MAMDC2: variants seen among roughly 807,000 people sequenced by gnomAD.
MAMDC2 encodes the protein MAM domain containing 2, also known as MAM domain-containing protein 2.
Under a neutral mutation model 89.8 loss-of-function variants are expected in MAMDC2, and 57 were observed. That is an observed-to-expected ratio of 0.63 (90% CI 0.51 to 0.79). The LOEUF (loss-of-function observed/expected upper bound fraction) is 0.79, where lower values mean the gene tolerates loss of function less well. Among genes scored for constraint, MAMDC2 ranks in the 30% least tolerant of loss-of-function variants. The pLI is 0.00. For missense variants in MAMDC2, 800 were observed against 820.6 expected, an observed-to-expected ratio of 0.97 and a Z score of 0.31; for synonymous variants, 313 against 293.4, an observed-to-expected ratio of 1.07 and a Z score of -0.68.
chr9:70,135,281 T>C (rs2030961322), intron 7 of MAMDC2, among the ~76,000 whole-genome samples: 1 of 152,140 alleles, frequency 6.6e-6, no homozygotes, highest in African/African-American at 2.4e-5. Flanking sequence ...AAATACATCA[T>C]TGCACTTCCC....
At chr9:70,198,115 TTATTA>T (rs2033009176) in intron 11 of MAMDC2, among the ~76,000 whole-genome samples, 2 of 151,278 alleles carry the variant, frequency 1.3e-5, no homozygotes, top group African/African-American at 4.8e-5. Flanking sequence ...AAATTAAACT[TTATTA>T]TAAGTACATA....
At chr9:70,128,739 C>T (rs961041510) in intron 6 of MAMDC2, among the ~76,000 whole-genome samples, 2 of 152,176 alleles carry the variant, frequency 1.3e-5, no homozygotes, top group African/African-American at 4.8e-5. Context: ...TCACTGCAAC[C>T]TCTGCCTCCC....
chr9:70,044,872 AC>A (rs1826707817), intron 2 of MAMDC2, among the ~76,000 whole-genome samples, 175 bp downstream of exon 2: 2 of 152,212 alleles, frequency 1.3e-5, no homozygotes, highest in Admixed American at 1.3e-4. Context: ...CGAGGCAGGA[AC>A]GGGGCGGGCG....
intron 7 of MAMDC2, among the ~76,000 whole-genome samples, chr9:70,135,798 T>C (rs1417169305): frequency 6.6e-6 from 1 of 152,136 alleles, no homozygotes; most frequent in Non-Finnish European, 1.5e-5. Context: ...TTTGGACAAA[T>C]GTATAATGAC....
At chr9:70,125,157 T>G (rs2030470314) in intron 5 of MAMDC2, among the ~76,000 whole-genome samples, 1 of 152,192 alleles carries the variant, frequency 6.6e-6, no homozygotes, top group African/African-American at 2.4e-5. Context: ...CAGAAAAAAT[T>G]GCTAACAATG....
intron 12 of MAMDC2, among the ~76,000 whole-genome samples, chr9:70,222,299 G>A (rs779693018): frequency 6.6e-6 from 1 of 152,188 alleles, no homozygotes; most frequent in Non-Finnish European, 1.5e-5. Context: ...CTTCTGGGGG[G>A]ACATGTTAAG....
rs376369521 is a variant in MAMDC2, at chr9:70,113,081, C to T, written c.592C>T (p.Arg198Trp). 26 of 1,613,936 alleles carry T rather than the reference C, an allele frequency of 1.6e-5. No individual in the cohort carries two copies. The highest frequency in any genetic ancestry group is 2.0e-5 in the Non-Finnish European group (24 of 1,179,980). ...VNWFVGGGSI[R>W]NVHSILPQDH... ...CTGGTTTGTTGGAGGAGGAAGTATT[C>T]GGAATGTCCACTCCATTCTCCCACA... The change falls in exon 5 of 14, where the codon CGG becomes TGG. Residue 198 changes from arginine (R) to tryptophan (W), a missense_variant. By Grantham distance (101) the Arg-to-Trp change is moderately radical (BLOSUM62 -3). Coordinates refer to ENST00000377182, the MANE Select transcript of MAMDC2 (RefSeq NM_153267.5).
At position 70,149,337 on chromosome 9, in the gene MAMDC2, T is replaced by TCTTGGGAACACCA. The variant is rs2031512071; in HGVS notation, c.1404+5525_1404+5526insACACCACTTGGGA. Among the ~76,000 whole-genome samples, 3 of 151,992 alleles carry TCTTGGGAACACCA rather than the reference T, an allele frequency of 2.0e-5. No homozygotes were observed. The South Asian group carries it at 6.2e-4, about 32-fold the overall frequency. ...CTTGCAGGAAGTTTATGAGGGTTGC[T>TCTTGGGAACACCA]CTTGGGATCACCACTGAAGGAAAGG... On this transcript the variant is annotated intron_variant, in intron 9 of 13. Transcript: ENST00000377182.
intron 2 of MAMDC2, chr9:70,092,312 C>T (rs1827920474): frequency 6.6e-6 from 1 of 152,158 alleles, no homozygotes; most frequent in Non-Finnish European, 1.5e-5. Context: ...CATGTGCAGC[C>T]AAGGTTGAGA....
intron 5 of MAMDC2, among the ~76,000 whole-genome samples, chr9:70,120,546 ATC>A (rs985112571): frequency 6.6e-6 from 1 of 152,180 alleles, no homozygotes; most frequent in Non-Finnish European, 1.5e-5. Flanking sequence ...CCCATCTCCA[ATC>A]TCTCTGATTC....
At chr9:70,153,899 G>T (rs1042877596) in intron 9 of MAMDC2, 2 of 152,098 alleles carry the variant, frequency 1.3e-5, no homozygotes, top group African/African-American at 4.8e-5. Flanking sequence ...TTGAAAAAGA[G>T]TTCTGTTGTC....
intron 11 of MAMDC2, among the ~76,000 whole-genome samples, chr9:70,175,298 A>T (rs371099813): frequency 6.6e-6 from 1 of 152,180 alleles, no homozygotes; most frequent in Non-Finnish European, 1.5e-5. Flanking sequence ...ACTGTGTATT[A>T]GCAATGAGGG....
Position 70,170,482 on chromosome 9 carries a change from AACTTCC to A in MAMDC2, c.1505_1510del (p.Leu502_Pro503del). Reference sequence around the variant, plus strand: ...AACATCTGCTATTTTCTTGCAGAGAAACTTCCACCTCCACCTGGAGAGTGTACTTTC... The same window carrying A: ...AACATCTGCTATTTTCTTGCAGAGAAACCTCCACCTGGAGAGTGTACTTTC... On this transcript the variant is annotated inframe_deletion, in exon 11 of 14. Transcript: ENST00000377182. 2.5e-6 allele frequency: 4 copies of A among 1,602,932 alleles called. No homozygotes were observed. Among genetic ancestry groups the A allele is most frequent in the Non-Finnish European group, 2.5e-6 (3 of 1,176,554 alleles).
chr9:70,122,263 C>G (rs2030319708), intron 5 of MAMDC2, among the ~76,000 whole-genome samples: 1 of 152,188 alleles, frequency 6.6e-6, no homozygotes, highest in Admixed American at 6.5e-5. Context: ...TTGGGCAGAT[C>G]ATGTTGTGTT....
At position 70,146,423 on chromosome 9, in the gene MAMDC2, T is replaced by C. The variant is rs368604923; in HGVS notation, c.1404+2604T>C. On this transcript the variant is annotated intron_variant, in intron 9 of 13. Coordinates refer to ENST00000377182, the MANE Select transcript of MAMDC2 (RefSeq NM_153267.5). The stretch of plus-strand genomic sequence containing the variant: ...TACATGTCTCAAAGTGGCCCTTAGT[T>C]CTTGGCAGGTCCCTGTTAGATAGAA... Among the ~76,000 whole-genome samples, 191 of 152,308 alleles carry C rather than the reference T, an allele frequency of 1.3e-3. 6 individuals carry two copies. In the South Asian group the frequency reaches 0.038, roughly 30 times the overall value.
intron 4 of MAMDC2, among the ~76,000 whole-genome samples, chr9:70,111,290 T>C (rs1828505336): frequency 1.3e-5 from 2 of 152,232 alleles, no homozygotes; most frequent in Non-Finnish European, 2.9e-5. Flanking sequence ...AAATAATTGG[T>C]ATATACAGTG....
At chr9:70,078,884 G>A (rs568445251) in intron 2 of MAMDC2, among the ~76,000 whole-genome samples, 2 of 152,002 alleles carry the variant, frequency 1.3e-5, no homozygotes, top group African/African-American at 2.4e-5. Context: ...CCCAGGCCTC[G>A]CACACTCAGA....
intron 5 of MAMDC2, among the ~76,000 whole-genome samples, chr9:70,115,696 A>C (rs2029954688): frequency 6.6e-6 from 1 of 152,222 alleles, no homozygotes; most frequent in Non-Finnish European, 1.5e-5. Context: ...CTTATAAATA[A>C]GTGGCCCGTC....
intron 11 of MAMDC2, among the ~76,000 whole-genome samples, chr9:70,180,016 C>A (rs1157406990): frequency 1.3e-5 from 2 of 151,290 alleles, no homozygotes; most frequent in Non-Finnish European, 2.9e-5. Context: ...GATATTTGTC[C>A]CCCCACCCCC....
Sources: gnomAD v4.1 joint callset for allele counts (sites outside exome capture counted in the v4.1 genomes callset) on GRCh38, gnomAD v4.1.1 for gene constraint, MANE v1.5 for transcripts, NCBI Gene and HGNC (gene_info 2026-07-23, HGNC 2026-07-21) for gene names.